DLGAP1: variants seen among roughly 807,000 people sequenced by gnomAD.
DLGAP1 encodes the protein disks large-associated protein 1.
A neutral mutation model predicts 90.8 loss-of-function variants in DLGAP1; 11 were observed. The observed-to-expected ratio is 0.12, with a 90% CI of 0.08 to 0.20. The LOEUF is 0.20. DLGAP1 is among the 10% of genes least tolerant of loss of function. The probability of loss-of-function intolerance (pLI) is 1.00; values close to 1 mark genes in which losing one functional copy is unlikely to be tolerated. For synonymous variants in DLGAP1, 558 were observed against 540.7 expected (o/e 1.03, Z -0.44); for missense variants, 1,050 against 1,333.8 (o/e 0.79, Z 3.31).
chr18:4,273,091 A>C (rs925228260), intron 1 of DLGAP1, among the ~76,000 whole-genome samples: 1 of 152,098 alleles, frequency 6.6e-6, no homozygotes, highest in African/African-American at 2.4e-5. Context: ...TAAGAGGATA[A>C]ATTTCTGTTG....
chr18:4,006,511 G>A (rs1471542070), intron 2 of DLGAP1, among the ~76,000 whole-genome samples: 2 of 152,090 alleles, frequency 1.3e-5, no homozygotes, highest in African/African-American at 4.8e-5. Context: ...CTCTAAGAGT[G>A]CTCCAGCTGT....
chr18:3,619,268 A>G (rs900623713), intron 7 of DLGAP1, among the ~76,000 whole-genome samples: 4 of 152,236 alleles, frequency 2.6e-5, no homozygotes, highest in Non-Finnish European at 5.9e-5. Context: ...CTGGGACTTC[A>G]GAAAAATTCC....
intron 7 of DLGAP1, among the ~76,000 whole-genome samples, chr18:3,656,848 G>A (rs1418119214): frequency 1.3e-5 from 2 of 151,986 alleles, no homozygotes; most frequent in Non-Finnish European, 2.9e-5. Context: ...CTGGGTGGAC[G>A]CCATTCTCCT....
intron 1 of DLGAP1, among the ~76,000 whole-genome samples, chr18:4,173,819 T>C (rs1274268241): frequency 6.6e-6 from 1 of 152,216 alleles, no homozygotes; most frequent in Non-Finnish European, 1.5e-5. Flanking sequence ...GCTTGTCCCC[T>C]GACAAAGGGG....
At chr18:4,062,425 G>A (rs1199369455) in intron 2 of DLGAP1, among the ~76,000 whole-genome samples, 1 of 152,146 alleles carries the variant, frequency 6.6e-6, no homozygotes, top group East Asian at 1.9e-4. Context: ...GGTAAGTAAA[G>A]AATGTCACTT....
intron 3 of DLGAP1, among the ~76,000 whole-genome samples, chr18:3,939,416 C>CAAAAAAAAAAAA (rs10591716): frequency 3.7e-5 from 3 of 82,128 alleles, no homozygotes; most frequent in East Asian, 4.1e-4. Flanking sequence ...GATTCTGTCT[C>CAAAAAAAAAAAA]AAAAAAAAAA....
intron 3 of DLGAP1, among the ~76,000 whole-genome samples, chr18:3,953,697 T>G (rs1300167060): frequency 6.6e-6 from 1 of 152,238 alleles, no homozygotes; most frequent in African/African-American, 2.4e-5. Context: ...TTTGGTTATA[T>G]ACCCAGTAGT....
chr18:4,200,193 G>T (rs2077581442), intron 1 of DLGAP1, among the ~76,000 whole-genome samples: 1 of 152,018 alleles, frequency 6.6e-6, no homozygotes, highest in Non-Finnish European at 1.5e-5. Flanking sequence ...TTGTAAAGAT[G>T]TTTTTGAAAT....
chr18:3,712,154 T>G (rs985003801), intron 7 of DLGAP1, among the ~76,000 whole-genome samples: 1 of 152,326 alleles, frequency 6.6e-6, no homozygotes, highest in African/African-American at 2.4e-5. Context: ...GGGATCTCAC[T>G]GCACTTTTTG....
chr18:4,264,057 A>G (rs2079055913), intron 1 of DLGAP1, among the ~76,000 whole-genome samples: 2 of 152,206 alleles, frequency 1.3e-5, no homozygotes, highest in Admixed American at 6.5e-5. Flanking sequence ...TTGTTAAATT[A>G]CGTTCTGTAG....
chr18:4,331,339 G>A (rs2080945834), intron 1 of DLGAP1, among the ~76,000 whole-genome samples: 1 of 151,678 alleles, frequency 6.6e-6, no homozygotes. Context: ...CAGAAACTTA[G>A]GAAATGACTC....
chr18:3,924,800 T>G (rs2072344751), intron 3 of DLGAP1, among the ~76,000 whole-genome samples: 1 of 152,190 alleles, frequency 6.6e-6, no homozygotes, highest in South Asian at 2.1e-4. Context: ...TCAAAGGTAT[T>G]GTGTTTTGGG....
Position 4,328,874 on chromosome 18 carries a change from G to A in DLGAP1, c.-267+126132C>T, listed in dbSNP as rs530467747. ...AAGTCTCTCTTCAAATAAAGTGCAA[G>A]TATTTTTAATAAAAATCAGGTTGCC... On this transcript the variant is annotated intron_variant, in intron 1 of 12. Coordinates refer to ENST00000315677, the MANE Select transcript of DLGAP1 (RefSeq NM_004746.4). Among the ~76,000 whole-genome samples the A allele has an allele frequency of 6.1e-4, 92 of 151,884 alleles. No homozygotes were observed. In the Middle Eastern group the frequency reaches 0.01, roughly 17 times the overall value.
intron 1 of DLGAP1, among the ~76,000 whole-genome samples, chr18:4,271,033 T>C (rs1466074398): frequency 6.6e-6 from 1 of 152,224 alleles, no homozygotes; most frequent in Non-Finnish European, 1.5e-5. Context: ...GTTTCCATCC[T>C]GACTCATATT....
At chr18:3,536,223 C>CTTTTT (rs71159088) in intron 9 of DLGAP1, among the ~76,000 whole-genome samples, 8 of 137,412 alleles carry the variant, frequency 5.8e-5, no homozygotes, top group East Asian at 2.1e-4. Flanking sequence ...TACTTTCTTT[C>CTTTTT]TTTTTTTTTT....
intron 1 of DLGAP1, among the ~76,000 whole-genome samples, chr18:4,202,284 A>G (rs1010203951): frequency 6.6e-6 from 1 of 152,174 alleles, no homozygotes; most frequent in Non-Finnish European, 1.5e-5. Context: ...GTTCTCACTT[A>G]TAGGTGTGAG....
chr18:3,881,080 G>A (rs895808914), intron 3 of DLGAP1, among the ~76,000 whole-genome samples: 2 of 148,760 alleles, frequency 1.3e-5, no homozygotes, highest in South Asian at 4.2e-4. Flanking sequence ...TGGATGTATC[G>A]TTCTCTTGCT....
chr18:3,808,917 T>C (rs1398973418), intron 5 of DLGAP1, among the ~76,000 whole-genome samples: 1 of 152,210 alleles, frequency 6.6e-6, no homozygotes, highest in Non-Finnish European at 1.5e-5. Context: ...AGAATTAAAG[T>C]TGAAGAAGAA....
chr18:3,535,256 G>A (rs773052929), intron 9 of DLGAP1, among the ~76,000 whole-genome samples: 2 of 152,226 alleles, frequency 1.3e-5, no homozygotes, highest in South Asian at 4.2e-4. Flanking sequence ...GAAAAGTGCT[G>A]AACTATTAAA....
Sources: allele counts gnomAD v4.1 joint callset (sites outside exome capture counted in the v4.1 genomes callset), GRCh38; gene constraint gnomAD v4.1.1; transcripts MANE v1.5; gene names NCBI Gene and HGNC (gene_info 2026-07-23, HGNC 2026-07-21).